TRPV1: variants seen among roughly 807,000 people sequenced by gnomAD.
TRPV1 encodes OTRPC1.
Under a neutral mutation model 82.3 loss-of-function variants are expected in TRPV1, and 82 were observed. The ratio of observed to expected loss-of-function variants is 1.00; its 90% CI spans 0.83 to 1.20. TRPV1 has a LOEUF of 1.20. Ranked by LOEUF, TRPV1 falls within the 50% of genes most tolerant of loss-of-function variation. The pLI, the probability that TRPV1 is intolerant of heterozygous loss-of-function variation, is 0.00. For synonymous variants in TRPV1, 515 were observed against 467.7 expected, an observed-to-expected ratio of 1.10 and a Z score of -1.30; for missense variants, 1,067 against 1,096.8, an observed-to-expected ratio of 0.97 and a Z score of 0.38.
chr17:3,571,604 T>C lies in TRPV1; in HGVS notation c.2267A>G (p.Asn756Ser), dbSNP rs2074855022. 6.2e-7 allele frequency: 1 copy of C among 1,612,660 alleles called. No individual in the cohort carries two copies. ...DEVNWTTWNTNVGIINEDPGN... is the reference protein window; with the variant it reads ...DEVNWTTWNTSVGIINEDPGN... ...CGGGTCTTCGTTGATGATGCCCACG[T>C]TGGTGTTCCAGGTGGTCCAGTTCAC... Residue 756 changes from asparagine (N) to serine (S), a missense_variant, in exon 16 of 17, where the codon AAC becomes AGC. Asn to Ser is a conservative substitution (Grantham distance 46, BLOSUM62 1). Coordinates refer to ENST00000572705, the MANE Select transcript of TRPV1 (RefSeq NM_080704.4).
chr17:3,576,433 A>G (rs1447039166), intron 13 of TRPV1, among the ~76,000 whole-genome samples: 1 of 151,650 alleles, frequency 6.6e-6, no homozygotes, highest in Non-Finnish European at 1.5e-5. Context: ...CAGGCGGATC[A>G]CGAGGTCAGG....
In TRPV1 at chr17:3,589,977, G is replaced by A. The variant is rs766528253; in HGVS notation, c.874C>T (p.Leu292=). 1.3e-6 allele frequency: 2 copies of A among 1,561,320 alleles called. No individual in the cohort carries two copies. The highest frequency in any genetic ancestry group is 1.2e-5 in the South Asian group (1 of 85,198). The change falls in exon 7 of 17, where the codon CTG becomes TTG. Residue 292 remains leucine (L), a synonymous_variant. Coordinates refer to ENST00000572705, the MANE Select transcript of TRPV1 (RefSeq NM_080704.4). ...DSVGNTVLHA[L]VEVADNTADN... is the part of the protein sequence containing the mutation. ...GCCGTGTTGTCGGCCACCTCCACCAGGGCGTGCAGCACCGTGTTGCCCACC... is the reference window on the plus strand; with the variant it reads ...GCCGTGTTGTCGGCCACCTCCACCAAGGCGTGCAGCACCGTGTTGCCCACC...
chr17:3,599,889 G>A (rs1443799496), intron 2 of TRPV1, among the ~76,000 whole-genome samples: 3 of 152,184 alleles, frequency 2.0e-5, no homozygotes, highest in Non-Finnish European at 4.4e-5. Context: ...AAAGTGTTGG[G>A]ATTACAGGCA....
At chr17:3,588,475 GC>G in intron 7 of TRPV1, 108 bp from the exon 8 acceptor site, 1 of 1,312,128 alleles carries the variant, frequency 7.6e-7, no homozygotes, top group Non-Finnish European at 1.0e-6. Flanking sequence ...CCCCACCTAA[GC>G]CCCAGGCGAG....
At chr17:3,570,620 C>A (rs1206222896) in intron 16 of TRPV1, among the ~76,000 whole-genome samples, 1 of 152,132 alleles carries the variant, frequency 6.6e-6, no homozygotes, top group Non-Finnish European at 1.5e-5. Context: ...GGTAAACGTC[C>A]TCAATTAGAC....
intron 16 of TRPV1, 105 bp downstream of exon 16, chr17:3,571,417 TGG>T: frequency 2.3e-6 from 2 of 873,536 alleles, no homozygotes; most frequent in Non-Finnish European, 1.8e-6. Flanking sequence ...GCCCGGGTCC[TGG>T]GGGGATGAGG....
chr17:3,595,058 C>A (rs2075206374), intron 2 of TRPV1, among the ~76,000 whole-genome samples: 1 of 152,172 alleles, frequency 6.6e-6, no homozygotes, highest in Non-Finnish European at 1.5e-5. Context: ...TGCTAGTCTT[C>A]CCTTTCTGAA....
At chr17:3,568,369 G>A (rs1398770403) in intron 16 of TRPV1, among the ~76,000 whole-genome samples, 2 of 150,940 alleles carry the variant, frequency 1.3e-5, no homozygotes, top group East Asian at 1.9e-4. Context: ...CAAATCACAC[G>A]CAAAGCTATC....
chr17:3,589,184 A>G (rs1169066028), intron 7 of TRPV1, among the ~76,000 whole-genome samples: 1 of 148,406 alleles, frequency 6.7e-6, no homozygotes, highest in East Asian at 2.0e-4. Context: ...GCCATGGAAA[A>G]ACACCAACAG....
At chr17:3,570,611 G>A (rs990275608) in intron 16 of TRPV1, among the ~76,000 whole-genome samples, 1 of 152,088 alleles carries the variant, frequency 6.6e-6, no homozygotes, top group Non-Finnish European at 1.5e-5. Context: ...TCATTTCTAG[G>A]TAAACGTCCT....
At chr17:3,586,440 T>C (rs2075086140) in intron 8 of TRPV1, among the ~76,000 whole-genome samples, 1 of 152,226 alleles carries the variant, frequency 6.6e-6, no homozygotes, top group East Asian at 1.9e-4. Flanking sequence ...ATTACAAGTA[T>C]GCTTTGGGGC....
rs1326017753 is a variant in TRPV1, at chr17:3,592,065, A to G, written c.284+2T>C. 1 of 1,609,888 alleles carries G rather than the reference A, an allele frequency of 6.2e-7. No individual in the cohort carries two copies. Among genetic ancestry groups the G allele is most frequent in the East Asian group, 2.2e-5 (1 of 44,790 alleles). On this transcript the variant is annotated splice_donor_variant, in intron 3 of 16. Transcript: ENST00000572705. LOFTEE classifies it high-confidence loss of function. ...GGAGGGGGGCTCCAGACGCGGACTT[A>G]CCTGGCACCGGTGGGGCCGTCTCCT...
At chr17:3,599,392 A>G (rs773546204) in intron 2 of TRPV1, among the ~76,000 whole-genome samples, 8 of 152,106 alleles carry the variant, frequency 5.3e-5, no homozygotes, top group Non-Finnish European at 1.0e-4. Flanking sequence ...GAACTTTTTC[A>G]TCATCCCAAA....
intron 11 of TRPV1, among the ~76,000 whole-genome samples, chr17:3,579,083 A>G (rs1179381276): frequency 6.6e-6 from 1 of 152,154 alleles, no homozygotes; most frequent in African/African-American, 2.4e-5. Flanking sequence ...TACTATGTTC[A>G]CTACTTGGGT....
chr17:3,585,701 C>A, intron 9 of TRPV1, 67 bp downstream of exon 9: 1 of 1,546,188 alleles, frequency 6.5e-7, no homozygotes, highest in African/African-American at 1.4e-5. Flanking sequence ...GGAGGTCTCC[C>A]GAAATGTCCA....
Position 3,591,026 on chromosome 17 carries a change from G to C in TRPV1, c.542C>G (p.Ala181Gly), listed in dbSNP as rs201370177. The C allele has an allele frequency of 6.2e-7, 1 of 1,612,042 alleles. No individual in the cohort carries two copies. Among genetic ancestry groups the C allele is most frequent in the Non-Finnish European group, 8.5e-7 (1 of 1,179,278 alleles). ...NTTIPLLLEI[A>G]RQTDSLKELV... ...CTCCTTCAGGCTGTCCGTTTGCCGC[G>C]CGATCTCCAGGAGCAGGGGGATGGT... Residue 181 changes from alanine to glycine, a missense_variant, in exon 5 of 17, where the codon GCG (alanine) becomes GGG (glycine). By Grantham distance (60) the Ala-to-Gly change is moderately conservative. Coordinates refer to ENST00000572705, the MANE Select transcript of TRPV1 (RefSeq NM_080704.4).
rs990376453 is a variant in TRPV1, at chr17:3,589,685, A to G, written c.1044+122T>C. 5 of 1,205,600 alleles carry G rather than the reference A, an allele frequency of 4.1e-6. No individual in the cohort carries two copies. The African/African-American group carries it at 4.6e-5, about 11-fold the overall frequency. The allele number at this position is 1,205,600 out of a possible 1,614,324, so 74.7% of individuals were successfully genotyped here. ...TATTCTAACAGCCCTACAGGCTGGT[A>G]TGACAGAATCAGAGTCCCGCACACA... On this transcript the variant is annotated intron_variant, in intron 7 of 16. Transcript: ENST00000572705.
At position 3,590,335 on chromosome 17, in the gene TRPV1, A is replaced by G; in HGVS notation, c.662T>C (p.Leu221Pro). 1 of 1,613,820 alleles carries G rather than the reference A, an allele frequency of 6.2e-7. No individual in the cohort carries two copies. The highest frequency in any genetic ancestry group is 8.5e-7 in the Non-Finnish European group (1 of 1,179,866). ...CTGGACGTCTGCTCCGTTCTCCACC[A>G]GGAGGGTCACCAGGGCCATGTTGCG... Reference protein sequence around the residue: ...ERRNMALVTLLVENGADVQAA... With the variant: ...ERRNMALVTLPVENGADVQAA... Residue 221 changes from leucine (L) to proline (P), a missense_variant, in exon 6 of 17, where the codon CTG becomes CCG. Physicochemically the swap from Leu to Pro is moderately conservative, Grantham distance 98. Transcript: ENST00000572705.
At chr17:3,570,617 G>T (rs535490026) in intron 16 of TRPV1, among the ~76,000 whole-genome samples, 1 of 152,212 alleles carries the variant, frequency 6.6e-6, no homozygotes, top group East Asian at 1.9e-4. Flanking sequence ...CTAGGTAAAC[G>T]TCCTCAATTA....
Sources: allele counts gnomAD v4.1 joint callset (sites outside exome capture counted in the v4.1 genomes callset), GRCh38; gene constraint gnomAD v4.1.1; transcripts MANE v1.5; gene names NCBI Gene and HGNC (gene_info 2026-07-23, HGNC 2026-07-21).